RPGRIP1L: variants seen among roughly 807,000 people sequenced by gnomAD.
The protein encoded by RPGRIP1L is RPGRIP1 like.
Under a neutral mutation model 160.4 loss-of-function variants are expected in RPGRIP1L, and 131 were observed. That is an observed-to-expected ratio of 0.82 (90% CI 0.71 to 0.94). The LOEUF (loss-of-function observed/expected upper bound fraction) is 0.94, where lower values mean the gene tolerates loss of function less well. RPGRIP1L is among the 40% of genes least tolerant of loss of function. The pLI, the probability that RPGRIP1L is intolerant of heterozygous loss-of-function variation, is 0.00. For synonymous variants in RPGRIP1L, 510 were observed against 515.8 expected (o/e 0.99, Z 0.15); for missense variants, 1,522 against 1,535.8 (o/e 0.99, Z 0.15).
intron 15 of RPGRIP1L, 36 bp downstream of exon 15, chr16:53,652,499 T>C (rs1354689778): frequency 6.6e-7 from 1 of 1,512,974 alleles, no homozygotes; most frequent in Admixed American, 1.7e-5. Flanking sequence ...ACCAAATTAG[T>C]AATTCAAACA....
At chr16:53,616,941 G>A (rs999560985) in intron 24 of RPGRIP1L, among the ~76,000 whole-genome samples, 2 of 151,340 alleles carry the variant, frequency 1.3e-5, no homozygotes, top group Non-Finnish European at 2.9e-5. Context: ...GTGTGGCTGC[G>A]TGTCCCTGTA....
At chr16:53,625,852 G>C (rs1037260140) in intron 22 of RPGRIP1L, among the ~76,000 whole-genome samples, 2 of 151,948 alleles carry the variant, frequency 1.3e-5, no homozygotes, top group African/African-American at 2.4e-5. Flanking sequence ...CCCCAACCCC[G>C]TGCTCTCTGA....
intron 17 of RPGRIP1L, among the ~76,000 whole-genome samples, chr16:53,641,968 T>G (rs1298608079): frequency 2.0e-5 from 3 of 152,056 alleles, no homozygotes; most frequent in Non-Finnish European, 4.4e-5. Flanking sequence ...ACCATATAAT[T>G]CTATTATAAT....
intron 6 of RPGRIP1L, among the ~76,000 whole-genome samples, chr16:53,683,292 C>A (rs1655483945): frequency 6.6e-6 from 1 of 151,454 alleles, no homozygotes; most frequent in Non-Finnish European, 1.5e-5. Flanking sequence ...GCAACTAGGT[C>A]TGGTTTAAAA....
chr16:53,616,405 A>G (rs1338132594), intron 24 of RPGRIP1L, among the ~76,000 whole-genome samples: 1 of 152,236 alleles, frequency 6.6e-6, no homozygotes, highest in Non-Finnish European at 1.5e-5. Flanking sequence ...TTAAATGAAA[A>G]ATGAAGCATT....
chr16:53,661,283 C>T (rs1459773063), intron 10 of RPGRIP1L, among the ~76,000 whole-genome samples: 1 of 145,812 alleles, frequency 6.9e-6, no homozygotes, highest in Non-Finnish European at 1.5e-5. Flanking sequence ...GGCAACAGAG[C>T]GACACTCCAT....
In RPGRIP1L at chr16:53,619,190, TCCGA is replaced by T. The variant is rs766965642; in HGVS notation, c.3447_3450del (p.Arg1150LeufsTer4). ...TTAAGGCTTAGAGCTATGATCTCAA[TCCGA>T]ATTTTTTCTGATGGCTGTTTAAAGA... On this transcript the variant is annotated frameshift_variant, in exon 24 of 27. Coordinates refer to ENST00000647211, the MANE Select transcript of RPGRIP1L (RefSeq NM_015272.5). LOFTEE classifies it high-confidence loss of function. 1.2e-6 allele frequency: 2 copies of T among 1,613,372 alleles called. No homozygotes were observed. The highest frequency in any genetic ancestry group is 2.2e-5 in the South Asian group (2 of 91,048).
chr16:53,690,512 T>G (rs1970312164), intron 4 of RPGRIP1L, among the ~76,000 whole-genome samples: 2 of 152,180 alleles, frequency 1.3e-5, no homozygotes, highest in Non-Finnish European at 2.9e-5. Flanking sequence ...CACTTATTTT[T>G]AGAGACTGTG....
At chr16:53,665,785 G>A (rs187183311) in intron 9 of RPGRIP1L, among the ~76,000 whole-genome samples, 136 of 152,232 alleles carry the variant, frequency 8.9e-4, no homozygotes, top group African/African-American at 3.2e-3. Flanking sequence ...ATCAACATTC[G>A]TTTATGCCAG....
Position 53,645,786 on chromosome 16 carries a change from T to A in RPGRIP1L, c.2522A>T (p.His841Leu). 6.2e-7 allele frequency: 1 copy of A among 1,614,194 alleles called. No homozygotes were observed. Among genetic ancestry groups the A allele is most frequent in the Non-Finnish European group, 8.5e-7 (1 of 1,180,024 alleles). Residue 841 changes from histidine to leucine, a missense_variant, in exon 17 of 27, where the codon CAT (histidine) becomes CTT (leucine). Coordinates refer to ENST00000647211, the MANE Select transcript of RPGRIP1L (RefSeq NM_015272.5). ...ATTCATTGGCACTGGGAAATACATA[T>A]GATCATCAAACTGTGGATCATTGCT... ...PSSNDPQFDD[H>L]MYFPVPMNMD... is the part of the protein sequence containing the mutation.
At position 53,652,823 on chromosome 16, in the gene RPGRIP1L, G is replaced by T; in HGVS notation, c.1864C>A (p.Gln622Lys). 1 of 1,613,682 alleles carries T rather than the reference G, an allele frequency of 6.2e-7. No homozygotes were observed. Among genetic ancestry groups the T allele is most frequent in the Non-Finnish European group, 8.5e-7 (1 of 1,179,886 alleles). Reference protein sequence around the residue: ...NKVTFSSEVLQASGDKEPVTF... With the variant: ...NKVTFSSEVLKASGDKEPVTF... ...ACAGGCTCTTTATCTCCAGATGCCT[G>T]TAAAACTTCAGAAGAAAAGGTTACT... Residue 622 changes from glutamine to lysine, a missense_variant, in exon 15 of 27, where the codon CAG becomes AAG. By Grantham distance (53) the Gln-to-Lys change is moderately conservative. Transcript: ENST00000647211.
chr16:53,636,645 T>C lies in RPGRIP1L; in HGVS notation c.3221-133A>G, dbSNP rs115630145. 171 of 573,452 alleles carry C rather than the reference T, an allele frequency of 3.0e-4. 1 individual carries two copies. Among genetic ancestry groups the C allele is most frequent in the African/African-American group, 2.8e-3 (149 of 52,972 alleles). 35.5% of individuals were successfully genotyped at this position (573,452 alleles called of 1,614,324 possible). On this transcript the variant is annotated intron_variant, in intron 21 of 26. Transcript: ENST00000647211. ...ATGGTAATTATACCTAGATCTTTTTTAGTAGCAAATTTGTTTACAGACACA... is the reference window on the plus strand; with the variant it reads ...ATGGTAATTATACCTAGATCTTTTTCAGTAGCAAATTTGTTTACAGACACA...
At chr16:53,633,042 TAAAG>T (rs1401473025) in intron 22 of RPGRIP1L, among the ~76,000 whole-genome samples, 2 of 152,288 alleles carry the variant, frequency 1.3e-5, no homozygotes, top group Admixed American at 1.3e-4. Context: ...TGCTAATAAA[TAAAG>T]AATTGTTGTG....
At chr16:53,662,030 GC>G (rs1278409897) in intron 10 of RPGRIP1L, among the ~76,000 whole-genome samples, 2 of 152,014 alleles carry the variant, frequency 1.3e-5, no homozygotes, top group Non-Finnish European at 2.9e-5. Context: ...ATTATAATAG[GC>G]AAAATCAAAG....
At chr16:53,687,479 C>T (rs1007404501) in intron 5 of RPGRIP1L, among the ~76,000 whole-genome samples, 1 of 152,020 alleles carries the variant, frequency 6.6e-6, no homozygotes, top group Admixed American at 6.6e-5. Flanking sequence ...TGCCACTCCC[C>T]AATTCTTTAT....
In RPGRIP1L at chr16:53,656,483, T is replaced by C. The variant is rs1177538537; in HGVS notation, c.1688A>G (p.His563Arg). Reference protein sequence around the residue: ...HLLDIRAARIHKLEAQLKDIA... With the variant: ...HLLDIRAARIRKLEAQLKDIA... ...CGTATATGTTGTACCTTCTAGTTTA[T>C]GGATACGTGCAGCCCTGATATCAAG... Residue 563 changes from histidine to arginine, a missense_variant, in exon 14 of 27, where the codon CAT becomes CGT. Physicochemically the swap from His to Arg is conservative, Grantham distance 29. Coordinates refer to ENST00000647211, the MANE Select transcript of RPGRIP1L (RefSeq NM_015272.5). The C allele has an allele frequency of 3.1e-6, 5 of 1,608,000 alleles. No homozygotes were observed. Among genetic ancestry groups the C allele is most frequent in the East Asian group, 2.2e-5 (1 of 44,822 alleles).
At chr16:53,659,034 G>T (rs1038102488) in intron 10 of RPGRIP1L, 156 bp from the exon 11 acceptor site, 23 of 667,500 alleles carry the variant, frequency 3.4e-5, no homozygotes, top group Non-Finnish European at 5.9e-5. Context: ...AGACAGCAGG[G>T]GAATGAGGAA....
chr16:53,670,214 A>T (rs1047184651), intron 9 of RPGRIP1L, among the ~76,000 whole-genome samples: 9 of 152,178 alleles, frequency 5.9e-5, no homozygotes, highest in African/African-American at 2.2e-4. Flanking sequence ...TCAAAATAAA[A>T]GCCTATCCCC....
At chr16:53,620,338 C>T (rs1964629237) in intron 23 of RPGRIP1L, among the ~76,000 whole-genome samples, 1 of 152,096 alleles carries the variant, frequency 6.6e-6, no homozygotes, top group Non-Finnish European at 1.5e-5. Flanking sequence ...ATTTTACCCC[C>T]TTCTTTCAAA....
Sources: gnomAD v4.1 joint callset for allele counts (sites outside exome capture counted in the v4.1 genomes callset) on GRCh38, gnomAD v4.1.1 for gene constraint, MANE v1.5 for transcripts, NCBI Gene and HGNC (gene_info 2026-07-23, HGNC 2026-07-21) for gene names.